FADS6: variants seen among roughly 807,000 people sequenced by gnomAD.
FADS6 encodes the protein fatty acid desaturase 6.
A neutral mutation model predicts 31.7 loss-of-function variants in FADS6; 28 were observed. That is an observed-to-expected ratio of 0.88 (90% CI 0.66 to 1.21). The LOEUF is 1.21. Among genes scored for constraint, FADS6 ranks in the 50% most tolerant of loss-of-function variants. FADS6 has a pLI of 0.00. For synonymous variants in FADS6, 191 were observed against 213.1 expected, an observed-to-expected ratio of 0.90 and a Z score of 0.90; for missense variants, 494 against 504.2, an observed-to-expected ratio of 0.98 and a Z score of 0.19.
Position 74,877,685 on chromosome 17 carries a change from C to G in FADS6, c.*646G>C. The G allele has an allele frequency of 2.0e-6, 2 of 985,340 alleles. No homozygotes were observed. Among genetic ancestry groups the G allele is most frequent in the Non-Finnish European group, 2.4e-6 (2 of 829,806 alleles). The allele number at this position is 985,340 out of a possible 1,614,324, so 61.0% of individuals were successfully genotyped here. A position where few individuals can be genotyped will look rare whatever the true frequency, so the allele number is the denominator to read the frequency against. On this transcript the variant is annotated 3_prime_UTR_variant, in exon 6 of 6. Coordinates refer to ENST00000612771, the MANE Select transcript of FADS6 (RefSeq NM_178128.6). ...GTCCCTGGGGAACCTTCTCCCCTCA[C>G]TTCCCCTGGAGTTCCCTCCCGACAA...
chr17:74,887,749 A>G (rs889086315), intron 2 of FADS6, among the ~76,000 whole-genome samples: 5 of 152,284 alleles, frequency 3.3e-5, no homozygotes, highest in Middle Eastern at 3.4e-3. Flanking sequence ...GCAGTGGCAC[A>G]ATCTCAGCTC....
In FADS6 at chr17:74,879,464, G is replaced by A; in HGVS notation, c.900C>T (p.Ile300=). Residue 300 remains isoleucine, a synonymous_variant, in exon 5 of 6, where the codon ATC becomes ATT. Transcript: ENST00000612771. ...GATGGTGTTCCACATGGCAGCTGAT[G>A]ATCGAGTGGCCGAACGCCCAGTCCA... is the stretch of plus-strand genomic sequence containing the variant. ...PVLDWAFGHS[I]ISCHVEHHLF... The A allele has an allele frequency of 9.3e-6, 15 of 1,613,978 alleles. No homozygotes were observed. Among genetic ancestry groups the A allele is most frequent in the Non-Finnish European group, 1.3e-5 (15 of 1,179,912 alleles).
At chr17:74,893,291 T>C (rs1392859793) in intron 1 of FADS6, 61 bp downstream of exon 1, 13 of 1,448,306 alleles carry the variant, frequency 9.0e-6, no homozygotes, top group Admixed American at 7.7e-5. Flanking sequence ...CGCCGCCACC[T>C]CCGCCGCACC....
At chr17:74,884,465 A>G (rs2038603796) in intron 2 of FADS6, among the ~76,000 whole-genome samples, 2 of 152,176 alleles carry the variant, frequency 1.3e-5, no homozygotes, top group Admixed American at 6.5e-5. Flanking sequence ...CCATTCTTGC[A>G]TTGCTAAAGA....
chr17:74,882,988 G>C, intron 2 of FADS6: 3 of 667,680 alleles, frequency 4.5e-6, no homozygotes, highest in Non-Finnish European at 7.2e-6. Flanking sequence ...ATCTGCCAGT[G>C]ACTGCCCAGG....
chr17:74,882,974 G>A, intron 2 of FADS6: 2 of 802,016 alleles, frequency 2.5e-6, no homozygotes, highest in South Asian at 3.6e-5. Flanking sequence ...CCCCTGGAGT[G>A]CCAATCTGCC....
intron 1 of FADS6, 22 bp downstream of exon 1, chr17:74,893,330 G>T: frequency 2.0e-6 from 3 of 1,504,032 alleles, no homozygotes; most frequent in South Asian, 1.2e-5. Flanking sequence ...CGGCCGGGAC[G>T]CCGGGTCCCC....
chr17:74,880,845 C>T (rs548611503), intron 4 of FADS6, among the ~76,000 whole-genome samples: 1 of 152,216 alleles, frequency 6.6e-6, no homozygotes, highest in Non-Finnish European at 1.5e-5. Context: ...TTGACACTAC[C>T]TGTCAAACTT....
downstream of FADS6, among the ~76,000 whole-genome samples, chr17:74,875,983 G>A (rs2038505252): frequency 2.6e-5 from 4 of 152,216 alleles, 1 homozygote; most frequent in Admixed American, 1.3e-4. Context: ...AGCAACAGCT[G>A]GAAACCACTA....
Position 74,879,544 on chromosome 17 carries a change from G to A in FADS6, c.820C>T (p.Arg274Cys), listed in dbSNP as rs779079265. ...LPMFSRDNKP[R>C]RIHMMSLGVL... is the part of the protein sequence containing the mutation. ...CCCAGGCTCATCATGTGAATCCGAC[G>A]GGGCTTGTTGTCCCGGGAGAACATG... The change falls in exon 5 of 6, where the codon CGT becomes TGT. Residue 274 changes from arginine (R) to cysteine (C), a missense_variant. By Grantham distance (180) the Arg-to-Cys change is radical (BLOSUM62 -3). This residue lies in a region of FADS6 where 454 missense variants were observed against 438.5 expected (regional missense o/e 1.04). Transcript: ENST00000612771. 8.1e-5 allele frequency: 131 copies of A among 1,613,208 alleles called. 2 individuals are homozygous for A. Among genetic ancestry groups the A allele is most frequent in the South Asian group, 6.7e-4 (61 of 91,054 alleles).
rs369638196 is a variant in FADS6, at chr17:74,893,433, C to G, written c.163G>C (p.Val55Leu). The change falls in exon 1 of 6, where the codon GTG (valine) becomes CTG (leucine). Residue 55 changes from valine to leucine, a missense_variant. Around this residue, in one of 2 missense-constraint regions of FADS6, gnomAD observed 454 missense variants for 438.5 expected, o/e 1.04. Coordinates refer to ENST00000612771, the MANE Select transcript of FADS6 (RefSeq NM_178128.6). ...LRELEVLVQD[V>L]VRTSSWWERH... ...TCCCACCAGGAGCTCGTCCTCACCA[C>G]GTCCTGCACCAGCACCTCCAGCTCC... 63 of 1,579,580 alleles carry G rather than the reference C, an allele frequency of 4.0e-5. No individual in the cohort carries two copies. Among genetic ancestry groups the G allele is most frequent in the Non-Finnish European group, 5.3e-5 (62 of 1,164,826 alleles).
intron 2 of FADS6, among the ~76,000 whole-genome samples, chr17:74,891,244 G>C (rs1173784033): frequency 6.6e-6 from 1 of 151,144 alleles, no homozygotes; most frequent in African/African-American, 2.4e-5. Context: ...CACCACGTTG[G>C]TCATGCTGGT....
intron 2 of FADS6, among the ~76,000 whole-genome samples, chr17:74,891,248 T>C (rs1192633892): frequency 6.6e-6 from 1 of 151,838 alleles, no homozygotes; most frequent in African/African-American, 2.4e-5. Context: ...ACGTTGGTCA[T>C]GCTGGTCTCA....
intron 3 of FADS6, among the ~76,000 whole-genome samples, 184 bp from the exon 4 acceptor site, chr17:74,881,439 T>C (rs1370366411): frequency 6.6e-6 from 1 of 152,158 alleles, no homozygotes; most frequent in Non-Finnish European, 1.5e-5. Flanking sequence ...GGCTCAAGCC[T>C]ATAAACCCAG....
rs985019074 is a variant in FADS6 at position 74,893,616 on chromosome 17, C to T, written c.-21G>A. ...TCCATGGACTCTGTGGGCTCGGGCC[C>T]GACGCGCACGGAGGACTGGAGGACT... On this transcript the variant is annotated 5_prime_UTR_variant, in exon 1 of 6. Coordinates refer to ENST00000612771, the MANE Select transcript of FADS6 (RefSeq NM_178128.6). The T allele has an allele frequency of 7.8e-7, 1 of 1,278,302 alleles. No homozygotes were observed. The highest frequency in any genetic ancestry group is 4.2e-5 in the Admixed American group (1 of 23,948). The allele number at this position is 1,278,302 out of a possible 1,614,324, so 79.2% of individuals were successfully genotyped here.
At chr17:74,876,369 C>G (rs192025279), downstream of FADS6, among the ~76,000 whole-genome samples, 1 of 152,242 alleles carries the variant, frequency 6.6e-6, no homozygotes, top group East Asian at 1.9e-4. Context: ...ACTGGGTCAA[C>G]TCAGCAATGT....
intron 2 of FADS6, among the ~76,000 whole-genome samples, chr17:74,887,922 G>A (rs1165897554): frequency 6.6e-5 from 10 of 152,094 alleles, no homozygotes; most frequent in Non-Finnish European, 1.2e-4. Context: ...TCCTGACCTC[G>A]TGATCCACCC....
Position 74,893,464 on chromosome 17 carries a change from C to G in FADS6, c.132G>C (p.Leu44=). 6.3e-7 allele frequency: 1 copy of G among 1,592,270 alleles called. No homozygotes were observed. Among genetic ancestry groups the G allele is most frequent in the East Asian group, 2.3e-5 (1 of 43,168 alleles). ...GCACCAGCACCTCCAGCTCCCGCAGCAGCGCCTCGCCCCCACGGTGCGCGC... is the reference window on the plus strand; with the variant it reads ...GCACCAGCACCTCCAGCTCCCGCAGGAGCGCCTCGCCCCCACGGTGCGCGC... ...ARSAHRGGEA[L]LRELEVLVQD... The change falls in exon 1 of 6, where the codon CTG becomes CTC. Residue 44 remains leucine, a synonymous_variant. Transcript: ENST00000612771.
rs779073989 is a variant in FADS6, at chr17:74,892,653, A to G, written c.281T>C (p.Phe94Ser). The G allele has an allele frequency of 2.4e-5, 38 of 1,613,170 alleles. No homozygotes were observed. Among genetic ancestry groups the G allele is most frequent in the African/African-American group, 6.7e-5 (5 of 74,940 alleles). The change falls in exon 2 of 6, where the codon TTT becomes TCT. Residue 94 changes from phenylalanine to serine, a missense_variant. Coordinates refer to ENST00000612771, the MANE Select transcript of FADS6 (RefSeq NM_178128.6). The part of the protein sequence containing the change: ...LCLRWENALV[F>S]ASGITILGVC... ...ACCCAAGATGGTGATGCCGGATGCAAAGACCAGGGCATTCTCCCAGCGCAG... is the reference window on the plus strand; with the variant it reads ...ACCCAAGATGGTGATGCCGGATGCAGAGACCAGGGCATTCTCCCAGCGCAG...
Sources: allele counts gnomAD v4.1 joint callset (sites outside exome capture counted in the v4.1 genomes callset), GRCh38; gene constraint gnomAD v4.1.1; regional missense constraint gnomAD v4.1.1; transcripts MANE v1.5; gene names NCBI Gene and HGNC (gene_info 2026-07-23, HGNC 2026-07-21).